Variants in DIAPH3 observed in about 807,000 individuals in gnomAD.
The protein encoded by DIAPH3 is diaphanous related formin 3.
Under a neutral mutation model 144.3 loss-of-function variants are expected in DIAPH3, and 117 were observed. The observed-to-expected ratio is 0.81, with a 90% CI of 0.70 to 0.95. The LOEUF (loss-of-function observed/expected upper bound fraction) is 0.95, where lower values mean the gene tolerates loss of function less well. Among genes scored for constraint, DIAPH3 ranks in the 40% least tolerant of loss-of-function variants. DIAPH3 has a pLI of 0.00. For missense variants in DIAPH3, 1,421 were observed against 1,412.7 expected (o/e 1.01, Z -0.09); for synonymous variants, 519 against 488.9 (o/e 1.06, Z -0.81).
chr13:59,944,370 T>C (rs1039497214), intron 17 of DIAPH3, among the ~76,000 whole-genome samples: 1 of 152,226 alleles, frequency 6.6e-6, no homozygotes, highest in Non-Finnish European at 1.5e-5. Context: ...CTCTCTTCTC[T>C]ATGAAGAGCT....
At chr13:59,930,838 C>A (rs9538532) in intron 17 of DIAPH3, among the ~76,000 whole-genome samples, 114,287 of 151,992 alleles carry the variant, frequency 0.75, 43,091 homozygotes, top group Admixed American at 0.8. Context: ...AAACGAAAGT[C>A]AATGGTACCT....
intron 4 of DIAPH3, among the ~76,000 whole-genome samples, chr13:60,073,396 T>C (rs894507324): frequency 1.3e-5 from 2 of 152,036 alleles, no homozygotes; most frequent in Non-Finnish European, 2.9e-5. Flanking sequence ...TCCTAGTAAA[T>C]GAAGGAATGA....
At chr13:59,673,263 T>C (rs2032475562) in intron 27 of DIAPH3, among the ~76,000 whole-genome samples, 1 of 152,206 alleles carries the variant, frequency 6.6e-6, no homozygotes, top group African/African-American at 2.4e-5. Flanking sequence ...ATCTCTCCCC[T>C]CAATTCTTAG....
At chr13:59,878,146 A>G (rs565267932) in intron 21 of DIAPH3, among the ~76,000 whole-genome samples, 1 of 152,316 alleles carries the variant, frequency 6.6e-6, no homozygotes, top group East Asian at 1.9e-4. Context: ...AGCATCTGGC[A>G]CAGGACTTCA....
intron 2 of DIAPH3, among the ~76,000 whole-genome samples, chr13:60,116,437 A>T (rs2058705937): frequency 6.6e-6 from 1 of 152,044 alleles, no homozygotes; most frequent in Non-Finnish European, 1.5e-5. Context: ...GTTTAAAACA[A>T]AAACAAAAAC....
chr13:59,978,090 T>C (rs1414653262), intron 14 of DIAPH3, among the ~76,000 whole-genome samples: 1 of 151,732 alleles, frequency 6.6e-6, no homozygotes, highest in Admixed American at 6.6e-5. Flanking sequence ...CCATACCAAT[T>C]GCACACTGTA....
At chr13:60,117,495 C>A (rs2058731666) in intron 2 of DIAPH3, among the ~76,000 whole-genome samples, 1 of 152,058 alleles carries the variant, frequency 6.6e-6, no homozygotes, top group African/African-American at 2.4e-5. Flanking sequence ...TAATGAATAC[C>A]TGAGGCTAAA....
rs376405858 is a variant in DIAPH3 at position 60,132,966 on chromosome 13, C to T, written c.204G>A (p.Thr68=). ...PKFHLNIRTL[T]DDMLDKFASI... ...TTGAGGATAATCTTACCATATCATC[C>T]GTCAGTGTCCTAATATTTAAATGCT... Residue 68 remains threonine, a synonymous_variant, in exon 2 of 28, where the codon ACG becomes ACA. Transcript: ENST00000400324. 5.7e-5 allele frequency: 92 copies of T among 1,606,312 alleles called. No individual in the cohort carries two copies. Among genetic ancestry groups the T allele is most frequent in the South Asian group, 5.2e-4 (47 of 90,640 alleles).
intron 27 of DIAPH3, among the ~76,000 whole-genome samples, chr13:59,759,948 A>AAAAC (rs10636836): frequency 0.3 from 45,448 of 149,976 alleles, 7,167 homozygotes; most frequent in African/African-American, 0.38. Flanking sequence ...ACTCCATCTC[A>AAAAC]AAACAAACAA....
chr13:60,075,471 A>C (rs1485406424), intron 4 of DIAPH3, among the ~76,000 whole-genome samples: 1 of 152,170 alleles, frequency 6.6e-6, no homozygotes, highest in African/African-American at 2.4e-5. Flanking sequence ...TCTGGATTTT[A>C]ACCTGCTCAA....
chr13:59,686,417 A>G (rs73208903), intron 27 of DIAPH3, among the ~76,000 whole-genome samples: 3,514 of 152,082 alleles, frequency 0.023, 59 homozygotes, highest in Non-Finnish European at 0.036. Flanking sequence ...GTTCTACTCA[A>G]AAGAGGAAAA....
chr13:59,772,306 T>C (rs751791108), intron 27 of DIAPH3, among the ~76,000 whole-genome samples: 6 of 152,104 alleles, frequency 3.9e-5, no homozygotes, highest in Non-Finnish European at 8.8e-5. Context: ...AATTTGGTCA[T>C]TTGGATTTCT....
chr13:59,874,590 C>T (rs2044493612), intron 21 of DIAPH3, among the ~76,000 whole-genome samples: 1 of 152,178 alleles, frequency 6.6e-6, no homozygotes, highest in Non-Finnish European at 1.5e-5. Flanking sequence ...TCATCAATGA[C>T]TTCAACTCTG....
intron 5 of DIAPH3, among the ~76,000 whole-genome samples, chr13:60,022,800 T>C (rs1194323042): frequency 6.6e-6 from 1 of 152,208 alleles, no homozygotes; most frequent in African/African-American, 2.4e-5. Flanking sequence ...CACAACTGAA[T>C]TCACCCTCTA....
chr13:60,030,617 C>T (rs556866968), intron 5 of DIAPH3, among the ~76,000 whole-genome samples: 47 of 152,112 alleles, frequency 3.1e-4, no homozygotes, highest in Admixed American at 1.0e-3. Flanking sequence ...GATACAATAC[C>T]GGGTCCCCTC....
rs549917040 is a variant in DIAPH3 at position 59,714,156 on chromosome 13, C to T, written c.3320-47310G>A. ...CGGGCGGATCACGAGGTCAGGAGATCGAGACCATCCCGGCTAACACGGTGA... is the reference window on the plus strand; with the variant it reads ...CGGGCGGATCACGAGGTCAGGAGATTGAGACCATCCCGGCTAACACGGTGA... On this transcript the variant is annotated intron_variant, in intron 27 of 27. Transcript: ENST00000400324. 8.8e-3 allele frequency among the ~76,000 whole-genome samples: 1,333 copies of T among 151,894 alleles called. 6 individuals are homozygous for T. The highest frequency in any genetic ancestry group is 0.013 in the Non-Finnish European group (913 of 67,940).
chr13:59,909,181 T>C (rs1189727071), intron 20 of DIAPH3, among the ~76,000 whole-genome samples: 1 of 152,180 alleles, frequency 6.6e-6, no homozygotes, highest in African/African-American at 2.4e-5. Context: ...TTGGCAATTA[T>C]AACCAATTTC....
intron 22 of DIAPH3, among the ~76,000 whole-genome samples, chr13:59,853,100 A>G (rs2043072140): frequency 6.6e-6 from 1 of 152,202 alleles, no homozygotes; most frequent in Non-Finnish European, 1.5e-5. Context: ...ACAGAATAAG[A>G]AACTTGTCTA....
intron 27 of DIAPH3, among the ~76,000 whole-genome samples, chr13:59,671,949 A>G (rs2032394471): frequency 6.6e-6 from 1 of 152,194 alleles, no homozygotes; most frequent in African/African-American, 2.4e-5. Context: ...GATTTGGATG[A>G]CAAAGAAAGC....
Sources: allele counts gnomAD v4.1 joint callset (sites outside exome capture counted in the v4.1 genomes callset), GRCh38; gene constraint gnomAD v4.1.1; transcripts MANE v1.5; gene names NCBI Gene and HGNC (gene_info 2026-07-23, HGNC 2026-07-21).